Variants in UBE3C observed in about 807,000 individuals in gnomAD.
UBE3C encodes ubiquitin-protein ligase E3C.
A neutral mutation model predicts 129.4 loss-of-function variants in UBE3C; 42 were observed. The observed-to-expected ratio is 0.32, with a 90% CI of 0.25 to 0.42. The LOEUF (loss-of-function observed/expected upper bound fraction) is 0.42, where lower values mean the gene tolerates loss of function less well. Ranked by LOEUF, UBE3C falls within the 10% of genes least tolerant of loss-of-function variation. The probability of loss-of-function intolerance (pLI) is 1.00; values close to 1 mark genes in which losing one functional copy is unlikely to be tolerated. For missense variants in UBE3C, 1,049 were observed against 1,319.1 expected (o/e 0.80, Z 3.17); for synonymous variants, 510 against 492.4 (o/e 1.04, Z -0.47).
chr7:157,178,095 C>G (rs1185377411), intron 5 of UBE3C, among the ~76,000 whole-genome samples: 1 of 151,898 alleles, frequency 6.6e-6, no homozygotes, highest in Non-Finnish European at 1.5e-5. Context: ...CAAGAAGAAA[C>G]TTTCGGGAGT....
rs1261717146 is a variant in UBE3C at position 157,231,332 on chromosome 7, A to G, written c.2481+5A>G. On this transcript the variant is annotated splice_donor_5th_base_variant and intron_variant, in intron 18 of 22. Transcript: ENST00000348165. The stretch of plus-strand genomic sequence containing the variant: ...CTAGGCAGAATGCTTGGAAAGGTAA[A>G]GTAACCTTCATATAAAAATAGACCT... 1.2e-6 allele frequency: 2 copies of G among 1,612,490 alleles called. No homozygotes were observed. The highest frequency in any genetic ancestry group is 1.7e-6 in the Non-Finnish European group (2 of 1,179,434).
intron 13 of UBE3C, among the ~76,000 whole-genome samples, chr7:157,215,402 TCTC>T (rs1211902379): frequency 6.6e-6 from 1 of 151,230 alleles, no homozygotes; most frequent in Non-Finnish European, 1.5e-5. Context: ...TAAAGGGAAA[TCTC>T]AACAATTGAT....
chr7:157,240,721 A>G (rs1315074774), intron 18 of UBE3C, among the ~76,000 whole-genome samples: 1 of 152,198 alleles, frequency 6.6e-6, no homozygotes, highest in Non-Finnish European at 1.5e-5. Context: ...GAAGCTGGAC[A>G]GGAGAGGAGA....
At chr7:157,250,114 G>C (rs1796584847) in intron 19 of UBE3C, among the ~76,000 whole-genome samples, 1 of 152,196 alleles carries the variant, frequency 6.6e-6, no homozygotes, top group Non-Finnish European at 1.5e-5. Flanking sequence ...GGGGCTATCA[G>C]TTCCAGAGAC....
chr7:157,260,467 A>G (rs1056467903), intron 22 of UBE3C, among the ~76,000 whole-genome samples: 1 of 152,158 alleles, frequency 6.6e-6, no homozygotes, highest in African/African-American at 2.4e-5. Context: ...GCGCAGGGAA[A>G]GCTGGGTGCT....
intron 1 of UBE3C, among the ~76,000 whole-genome samples, chr7:157,151,040 C>G (rs951043961): frequency 6.6e-6 from 1 of 152,110 alleles, no homozygotes; most frequent in Admixed American, 6.6e-5. Context: ...GCTGAGCAGA[C>G]AGAGCAGGGA....
At position 157,139,317 on chromosome 7, in the gene UBE3C, C is replaced by T. The variant is rs771459825; in HGVS notation, c.45C>T (p.Ser15=). The change falls in exon 1 of 23, where the codon TCC becomes TCT. Residue 15 remains serine, a synonymous_variant. Transcript: ENST00000348165. The part of the protein sequence containing the change: ...EGDFKTRPKV[S]LGGASRKEEK... ...ACTTCAAGACGCGGCCCAAGGTGTC[C>T]CTTGGCGGCGCGAGCAGGAAGGTGA... The T allele has an allele frequency of 2.5e-6, 4 of 1,583,774 alleles. No individual in the cohort carries two copies. Among genetic ancestry groups the T allele is most frequent in the African/African-American group, 1.4e-5 (1 of 72,542 alleles).
At chr7:157,179,880 G>A (rs556117952) in intron 6 of UBE3C, among the ~76,000 whole-genome samples, 35 of 152,226 alleles carry the variant, frequency 2.3e-4, no homozygotes, top group African/African-American at 8.4e-4. Flanking sequence ...TGAAAACTTA[G>A]GGAAACAGTA....
At chr7:157,139,455 C>G (rs942014863) in intron 1 of UBE3C, 117 bp downstream of exon 1, 1 of 691,970 alleles carries the variant, frequency 1.4e-6, no homozygotes, top group African/African-American at 1.9e-5. Flanking sequence ...GGGCTGGATT[C>G]GGGGCCTCCC....
rs539030708 is a variant in UBE3C, at chr7:157,201,994, T to C, written c.1418+187T>C. 3.0e-3 allele frequency among the ~76,000 whole-genome samples: 459 copies of C among 152,312 alleles called. 4 individuals carry two copies. Among genetic ancestry groups the C allele is most frequent in the Admixed American group, 7.1e-3 (108 of 15,300 alleles). On this transcript the variant is annotated intron_variant, in intron 11 of 22. Transcript: ENST00000348165. Reference sequence around the variant, plus strand: ...AGTGTCTAATCTTAACAGTTACTTATCTGTATATATTATAGAGAGTATGGT... The same window carrying C: ...AGTGTCTAATCTTAACAGTTACTTACCTGTATATATTATAGAGAGTATGGT...
chr7:157,253,012 G>T (rs988162445), intron 19 of UBE3C, among the ~76,000 whole-genome samples: 8 of 152,068 alleles, frequency 5.3e-5, no homozygotes, highest in African/African-American at 1.9e-4. Context: ...GATTAGAGGC[G>T]TGAGCCACTA....
intron 18 of UBE3C, among the ~76,000 whole-genome samples, chr7:157,233,613 G>A (rs1796080247): frequency 6.6e-6 from 1 of 152,220 alleles, no homozygotes; most frequent in African/African-American, 2.4e-5. Context: ...TCCCAGGCTG[G>A]AGTGCAGTGG....
intron 17 of UBE3C, among the ~76,000 whole-genome samples, chr7:157,226,336 G>A (rs762397901): frequency 2.6e-5 from 4 of 152,128 alleles, no homozygotes; most frequent in Admixed American, 6.6e-5. Flanking sequence ...GGCACGTTTC[G>A]TCGTATGTTC....
At chr7:157,183,223 G>T (rs1808715463) in intron 8 of UBE3C, among the ~76,000 whole-genome samples, 2 of 152,160 alleles carry the variant, frequency 1.3e-5, no homozygotes, top group Admixed American at 1.3e-4. Context: ...TCATCTGAGG[G>T]CTTAGTCCTG....
intron 2 of UBE3C, among the ~76,000 whole-genome samples, chr7:157,168,575 G>A (rs1290883492): frequency 1.3e-5 from 2 of 152,196 alleles, no homozygotes; most frequent in Admixed American, 6.5e-5. Context: ...GGAATTCAAC[G>A]TGGTCCATCC....
chr7:157,249,476 C>T (rs1027064566), intron 19 of UBE3C, among the ~76,000 whole-genome samples: 2 of 152,158 alleles, frequency 1.3e-5, no homozygotes, highest in African/African-American at 4.8e-5. Context: ...CCACGCCCAG[C>T]TAATTTTTGT....
chr7:157,265,390 G>A (rs552247882), intron 22 of UBE3C, among the ~76,000 whole-genome samples: 29 of 152,362 alleles, frequency 1.9e-4, no homozygotes, highest in African/African-American at 3.4e-4. Context: ...GTGTATACGA[G>A]GAAGGTGGAG....
chr7:157,186,813 G>A, intron 9 of UBE3C, 21 bp from the exon 10 acceptor site: 2 of 1,612,194 alleles, frequency 1.2e-6, no homozygotes, highest in Non-Finnish European at 1.7e-6. Context: ...TATGGAGACT[G>A]GTTGTTCTGG....
At chr7:157,231,506 T>C (rs1351724378) in intron 18 of UBE3C, 179 bp downstream of exon 18, 8 of 828,936 alleles carry the variant, frequency 9.7e-6, no homozygotes, top group Admixed American at 5.8e-5. Flanking sequence ...TGCTATGGTT[T>C]GAATGTCCCC....
Sources: allele counts gnomAD v4.1 joint callset (sites outside exome capture counted in the v4.1 genomes callset), GRCh38; gene constraint gnomAD v4.1.1; transcripts MANE v1.5; gene names NCBI Gene and HGNC (gene_info 2026-07-23, HGNC 2026-07-21).